Variants in RUBCN observed in about 807,000 individuals in gnomAD.
RUBCN encodes the protein run domain Beclin-1-interacting and cysteine-rich domain-containing protein.
In RUBCN, 74 loss-of-function variants were observed where a neutral mutation model predicts 113.2. The ratio of observed to expected loss-of-function variants is 0.65; its 90% CI spans 0.54 to 0.79. The LOEUF (loss-of-function observed/expected upper bound fraction) is 0.79, where lower values mean the gene tolerates loss of function less well. Among genes scored for constraint, RUBCN ranks in the 30% least tolerant of loss-of-function variants. The probability of loss-of-function intolerance (pLI) is 0.00; values close to 1 mark genes in which losing one functional copy is unlikely to be tolerated. For synonymous variants in RUBCN, 480 were observed against 490.0 expected (o/e 0.98, Z 0.27); for missense variants, 1,109 against 1,251.7 (o/e 0.89, Z 1.72).
In RUBCN at chr3:197,673,877, C is replaced by G. The variant is rs1192142760; in HGVS notation, c.*1141G>C. ...GGACATTCACACTCACATCCACAAA[C>G]CGTCAAGTTCTGTAACAGCACTAAT... On this transcript the variant is annotated 3_prime_UTR_variant, in exon 20 of 20. Coordinates refer to ENST00000296343, the MANE Select transcript of RUBCN (RefSeq NM_014687.4). 2 of 152,268 alleles carry G rather than the reference C, an allele frequency of 1.3e-5. No individual in the cohort carries two copies. The highest frequency in any genetic ancestry group is 1.3e-4 in the Admixed American group (2 of 15,274). The allele number at this position is 152,268 out of a possible 1,614,324, so 9.4% of individuals were successfully genotyped here. A position where few individuals can be genotyped will look rare whatever the true frequency, so the allele number is the denominator to read the frequency against.
At position 197,681,750 on chromosome 3, in the gene RUBCN, C is replaced by T. The variant is rs139300451; in HGVS notation, c.2191+85G>A. ...CTTCTGCCACGCCACCTCCTGCTAC[C>T]GCCTTTGACACGCCACCTCTCCCTA... On this transcript the variant is annotated intron_variant, in intron 15 of 19. Transcript: ENST00000296343. The surrounding 1 kb of genome is among the most constrained non-coding windows in gnomAD (Gnocchi z 5.5). The T allele has an allele frequency of 5.9e-4, 728 of 1,231,990 alleles. 1 individual carries two copies. Among genetic ancestry groups the T allele is most frequent in the Admixed American group, 1.0e-3 (60 of 59,270 alleles). The allele number at this position is 1,231,990 out of a possible 1,614,324, so 76.3% of individuals were successfully genotyped here.
intron 11 of RUBCN, among the ~76,000 whole-genome samples, chr3:197,690,074 T>C (rs1297520700): frequency 6.6e-6 from 1 of 152,238 alleles, no homozygotes; most frequent in East Asian, 1.9e-4. Flanking sequence ...TTTGTCTTTA[T>C]TTCTCTAAAT....
In RUBCN at chr3:197,683,338, C is replaced by A; in HGVS notation, c.1949G>T (p.Trp650Leu). 2.5e-6 allele frequency: 4 copies of A among 1,614,220 alleles called. No individual in the cohort carries two copies. The highest frequency in any genetic ancestry group is 3.4e-6 in the Non-Finnish European group (4 of 1,180,040). Reference sequence around the variant, plus strand: ...AGGGGCATCATGCTCCGGGACAAGCCACTCCAGCTCCGAGGCGGCTGGAAG... The same window carrying A: ...AGGGGCATCATGCTCCGGGACAAGCAACTCCAGCTCCGAGGCGGCTGGAAG... ...MQLPAASELEWLVPEHDAPQK... is the reference protein window; with the variant it reads ...MQLPAASELELLVPEHDAPQK... The change falls in exon 13 of 20, where the codon TGG becomes TTG. Residue 650 changes from tryptophan to leucine, a missense_variant. Physicochemically the swap from Trp to Leu is moderately conservative, Grantham distance 61. Transcript: ENST00000296343. The surrounding 1 kb of genome is among the most constrained non-coding windows in gnomAD (Gnocchi z 4.6).
At chr3:197,719,801 C>G (rs1001081746) in intron 1 of RUBCN, among the ~76,000 whole-genome samples, 5 of 152,110 alleles carry the variant, frequency 3.3e-5, no homozygotes, top group Non-Finnish European at 7.4e-5. Flanking sequence ...TTTAGTGTCA[C>G]CTTTTTAAAA....
chr3:197,718,968 C>CA (rs1309894994), intron 1 of RUBCN, among the ~76,000 whole-genome samples: 3 of 152,188 alleles, frequency 2.0e-5, no homozygotes, highest in Non-Finnish European at 4.4e-5. Flanking sequence ...TCGCAGAGGC[C>CA]AATGGACTGC....
intron 7 of RUBCN, among the ~76,000 whole-genome samples, chr3:197,700,048 T>C (rs183267917): frequency 6.6e-6 from 1 of 152,250 alleles, no homozygotes. Context: ...TCAGCTGGTG[T>C]TTGGTGAGGG....
Position 197,701,737 on chromosome 3 carries a change from A to C in RUBCN, c.698T>G (p.Leu233Arg). 1 of 1,614,116 alleles carries C rather than the reference A, an allele frequency of 6.2e-7. No individual in the cohort carries two copies. The highest frequency in any genetic ancestry group is 1.1e-5 in the South Asian group (1 of 91,080). Residue 233 changes from leucine to arginine, a missense_variant, in exon 6 of 20, where the codon CTC becomes CGC. This residue lies in a region of RUBCN where 736 missense variants were observed against 779.6 expected (regional missense o/e 0.94). Transcript: ENST00000296343. ...QHSYFGSFSS[L>R]HQSVPNNGSE... Reference sequence around the variant, plus strand: ...GCCATTGTTGGGCACGGATTGGTGGAGGCTAGAGAAGGACCCAAAGTAGGA... The same window carrying C: ...GCCATTGTTGGGCACGGATTGGTGGCGGCTAGAGAAGGACCCAAAGTAGGA...
rs942775075 is a variant in RUBCN at position 197,675,350 on chromosome 3, CAG to C, written c.2740+70_2740+71del. 48 of 1,520,502 alleles carry C rather than the reference CAG, an allele frequency of 3.2e-5. No homozygotes were observed. The African/African-American group carries it at 5.2e-4, about 16-fold the overall frequency. 94.2% of individuals were successfully genotyped at this position (1,520,502 alleles called of 1,614,324 possible). ...CTGAGTGGCACCGAACTCTTGCTAA[CAG>C]GGGTGGCTCTGGGGAATCAAGGAGC... On this transcript the variant is annotated intron_variant, in intron 19 of 19. Transcript: ENST00000296343. This position sits in a 1 kb window ranked among gnomAD's most constrained non-coding sequence, Gnocchi z 4.4.
At position 197,736,657 on chromosome 3, in the gene RUBCN, G is replaced by GCT; in HGVS notation, c.61_62dup (p.Ser21ArgfsTer13). On this transcript the variant is annotated frameshift_variant, in exon 1 of 20. Transcript: ENST00000296343. LOFTEE classifies it high-confidence loss of function. ...CTCCGCGGCGGCTCCCAGCCCACCT[G>GCT]CTCTCCTCAGGCAGGCGCTCCTCGC... 7 of 1,532,680 alleles carry GCT rather than the reference G, an allele frequency of 4.6e-6. No homozygotes were observed. Among genetic ancestry groups the GCT allele is most frequent in the Non-Finnish European group, 6.1e-6 (7 of 1,146,248 alleles). The allele number at this position is 1,532,680 out of a possible 1,614,324, so 94.9% of individuals were successfully genotyped here.
rs1359301021 is a variant in RUBCN at position 197,704,545 on chromosome 3, T to A, written c.460A>T (p.Thr154Ser). The change falls in exon 4 of 20, where the codon ACA becomes TCA. Residue 154 changes from threonine to serine, a missense_variant. Thr to Ser is a moderately conservative substitution (Grantham distance 58, BLOSUM62 1). This residue lies in a region of RUBCN where 736 missense variants were observed against 779.6 expected (regional missense o/e 0.94). Coordinates refer to ENST00000296343, the MANE Select transcript of RUBCN (RefSeq NM_014687.4). ...GTCCTAAGTGGCCTCTACCTACCTG[T>A]GTAGAATTTTCTGATATACTGTCTA... ...GDRQYIRKFYTDAAFLLSDAH... is the reference protein window; with the variant it reads ...GDRQYIRKFYSDAAFLLSDAH... 6.2e-7 allele frequency: 1 copy of A among 1,613,904 alleles called. No homozygotes were observed. Among genetic ancestry groups the A allele is most frequent in the African/African-American group, 1.3e-5 (1 of 74,888 alleles).
At position 197,704,564 on chromosome 3, in the gene RUBCN, C is replaced by T. The variant is rs1283147390; in HGVS notation, c.441G>A (p.Gln147=). 6.2e-7 allele frequency: 1 copy of T among 1,614,236 alleles called. No individual in the cohort carries two copies. The highest frequency in any genetic ancestry group is 1.1e-5 in the South Asian group (1 of 91,084). The part of the protein sequence containing the change: ...AQLRPLLGDR[Q]YIRKFYTDAA... Reference sequence around the variant, plus strand: ...TACCTGTGTAGAATTTTCTGATATACTGTCTATCCCCGAGCAGGGGCCGGA... The same window carrying T: ...TACCTGTGTAGAATTTTCTGATATATTGTCTATCCCCGAGCAGGGGCCGGA... The change falls in exon 4 of 20, where the codon CAG becomes CAA. Residue 147 remains glutamine (Q), a synonymous_variant. Coordinates refer to ENST00000296343, the MANE Select transcript of RUBCN (RefSeq NM_014687.4).
chr3:197,677,171 C>T (rs1191404850), intron 17 of RUBCN, 133 bp from the exon 18 acceptor site: 12 of 977,036 alleles, frequency 1.2e-5, no homozygotes, highest in East Asian at 2.5e-5. Flanking sequence ...GGTTCCAGGC[C>T]GCCGCAGCCG....
chr3:197,742,391 G>C (rs1350368596), intron 1 of RUBCN, among the ~76,000 whole-genome samples: 1 of 152,000 alleles, frequency 6.6e-6, no homozygotes, highest in Non-Finnish European at 1.5e-5. Flanking sequence ...CACTTGGGAG[G>C]CTGAGGCAGG....
chr3:197,680,489 G>A (rs529308521), intron 16 of RUBCN, among the ~76,000 whole-genome samples: 5 of 148,794 alleles, frequency 3.4e-5, no homozygotes, highest in African/African-American at 1.0e-4. Flanking sequence ...ACTGTCCTAC[G>A]CTCTAACTCG....
intron 16 of RUBCN, among the ~76,000 whole-genome samples, chr3:197,679,821 C>A (rs1366410428): frequency 6.7e-6 from 1 of 148,558 alleles, no homozygotes; most frequent in Non-Finnish European, 1.5e-5. Context: ...TCCAGACTGT[C>A]CTACGCTCTG....
chr3:197,674,544 C>A lies in RUBCN; in HGVS notation c.*474G>T, dbSNP rs114814977. On this transcript the variant is annotated 3_prime_UTR_variant, in exon 20 of 20. Transcript: ENST00000296343. ...GCTTCTCCTCGGGGCACAGTCTGAC[C>A]CCAGTCCAGGACAGGGAGAGGGAAA... 3.6e-3 allele frequency: 1,870 copies of A among 520,010 alleles called. 32 individuals are homozygous for A. Among genetic ancestry groups the A allele is most frequent in the African/African-American group, 0.034 (1,709 of 50,686 alleles). 32.2% of individuals were successfully genotyped at this position (520,010 alleles called of 1,614,324 possible).
chr3:197,739,660 C>G (rs968298933), upstream of RUBCN, among the ~76,000 whole-genome samples: 1 of 152,148 alleles, frequency 6.6e-6, no homozygotes, highest in Non-Finnish European at 1.5e-5. Flanking sequence ...GATCACGCCA[C>G]TGCACTCCAG....
rs1720311786 is a variant in RUBCN at position 197,675,707 on chromosome 3, A to T, written c.2647-192T>A. On this transcript the variant is annotated intron_variant, in intron 18 of 19. Coordinates refer to ENST00000296343, the MANE Select transcript of RUBCN (RefSeq NM_014687.4). The surrounding 1 kb of genome is among the most constrained non-coding windows in gnomAD (Gnocchi z 4.4). ...CAGCGTTAGACAAAGCTTTAGGCAG[A>T]AGATCAGACAGGCACCAGCCGGAGA... Among the ~76,000 whole-genome samples, 1 of 152,204 alleles carries T rather than the reference A, an allele frequency of 6.6e-6. No homozygotes were observed. Among genetic ancestry groups the T allele is most frequent in the South Asian group, 2.1e-4 (1 of 4,830 alleles).
chr3:197,708,960 A>AT lies in RUBCN; in HGVS notation c.220-3786dup, dbSNP rs896936893. 6.1e-4 allele frequency among the ~76,000 whole-genome samples: 93 copies of AT among 152,246 alleles called. 1 individual carries two copies. The highest frequency in any genetic ancestry group is 2.2e-3 in the African/African-American group (92 of 41,546). Reference sequence around the variant, plus strand: ...GAAAATTTTATATTCATACTACAGGATTTTTTAAATTGCTGGCTCAGTATA... The same window carrying AT: ...GAAAATTTTATATTCATACTACAGGATTTTTTTAAATTGCTGGCTCAGTATA... On this transcript the variant is annotated intron_variant, in intron 2 of 19. Transcript: ENST00000296343.
Sources: allele counts gnomAD v4.1 joint callset (sites outside exome capture counted in the v4.1 genomes callset), GRCh38; gene constraint gnomAD v4.1.1; regional missense constraint gnomAD v4.1.1; non-coding constraint Gnocchi (gnomAD v3.1); transcripts MANE v1.5; gene names NCBI Gene and HGNC (gene_info 2026-07-23, HGNC 2026-07-21).